Variants in FRMD5 observed in about 807,000 individuals in gnomAD.
The protein encoded by FRMD5 is FERM domain containing 5.
A neutral mutation model predicts 69.0 loss-of-function variants in FRMD5; 20 were observed. The ratio of observed to expected loss-of-function variants is 0.29; its 90% CI spans 0.20 to 0.42. FRMD5 has a LOEUF of 0.42. FRMD5 is among the 10% of genes least tolerant of loss of function. The pLI, the probability that FRMD5 is intolerant of heterozygous loss-of-function variation, is 1.00. For synonymous variants in FRMD5, 271 were observed against 260.1 expected, an observed-to-expected ratio of 1.04 and a Z score of -0.40; for missense variants, 595 against 708.6, an observed-to-expected ratio of 0.84 and a Z score of 1.82.
intron 1 of FRMD5, among the ~76,000 whole-genome samples, chr15:44,151,172 C>T (rs999366742): frequency 5.3e-5 from 8 of 151,786 alleles, no homozygotes; most frequent in East Asian, 1.9e-4. Context: ...CCAAGGCGGA[C>T]GGATCACGAG....
intron 1 of FRMD5, among the ~76,000 whole-genome samples, chr15:43,925,956 GT>G (rs1192312313): frequency 2.6e-5 from 4 of 152,070 alleles, no homozygotes; most frequent in Non-Finnish European, 5.9e-5. Context: ...TAATTATCTT[GT>G]TGATTTGTTT....
chr15:43,976,493 T>A (rs923436171), intron 1 of FRMD5, among the ~76,000 whole-genome samples: 8 of 152,156 alleles, frequency 5.3e-5, no homozygotes, highest in Admixed American at 4.6e-4. Flanking sequence ...ACAGACACTT[T>A]AACAAAGATA....
chr15:43,978,365 A>G (rs1232415887), intron 1 of FRMD5, among the ~76,000 whole-genome samples: 5 of 152,240 alleles, frequency 3.3e-5, no homozygotes, highest in African/African-American at 4.8e-5. Flanking sequence ...TGCAGGTACT[A>G]GAACTCTCAT....
intron 1 of FRMD5, among the ~76,000 whole-genome samples, chr15:44,191,547 T>C (rs142636723): frequency 0.026 from 3,958 of 151,882 alleles, 169 homozygotes; most frequent in African/African-American, 0.09. Flanking sequence ...GATTGCGCCA[T>C]TGCACTTCAG....
intron 1 of FRMD5, among the ~76,000 whole-genome samples, chr15:44,067,424 C>G (rs1161113671): frequency 6.6e-6 from 1 of 152,188 alleles, no homozygotes; most frequent in Non-Finnish European, 1.5e-5. Context: ...CTGACTTAAT[C>G]AGTGTTAGGC....
chr15:43,883,030 C>T (rs1301284121), intron 13 of FRMD5, among the ~76,000 whole-genome samples: 1 of 151,974 alleles, frequency 6.6e-6, no homozygotes, highest in Non-Finnish European at 1.5e-5. Context: ...TGCTCTCAAA[C>T]TCCTGAGACC....
At chr15:44,003,448 G>A (rs1178885768) in intron 1 of FRMD5, among the ~76,000 whole-genome samples, 2 of 152,114 alleles carry the variant, frequency 1.3e-5, no homozygotes, top group Non-Finnish European at 2.9e-5. Flanking sequence ...AAAACCCTGC[G>A]ATGGTTCCCT....
intron 1 of FRMD5, among the ~76,000 whole-genome samples, chr15:44,000,163 T>G (rs1343803481): frequency 6.6e-6 from 1 of 151,550 alleles, no homozygotes; most frequent in African/African-American, 2.4e-5. Flanking sequence ...TATTTTTTAT[T>G]TTTTTGTAGA....
intron 1 of FRMD5, among the ~76,000 whole-genome samples, chr15:44,011,572 G>C (rs1325608438): frequency 6.6e-6 from 1 of 152,142 alleles, no homozygotes; most frequent in Admixed American, 6.6e-5. Context: ...CTGAGGAGAG[G>C]TCTGGATTGC....
At chr15:43,917,418 T>A (rs147787580) in intron 4 of FRMD5, among the ~76,000 whole-genome samples, 143 of 152,110 alleles carry the variant, frequency 9.4e-4, no homozygotes, top group African/African-American at 3.4e-3. Context: ...TGAGACAGAG[T>A]CTCACTGTGT....
intron 1 of FRMD5, among the ~76,000 whole-genome samples, chr15:44,053,364 T>A (rs140056336): frequency 2.2e-4 from 34 of 152,210 alleles, no homozygotes; most frequent in African/African-American, 7.5e-4. Flanking sequence ...GAGGGTGGGA[T>A]GGGTAGTGAC....
intron 1 of FRMD5, among the ~76,000 whole-genome samples, chr15:44,055,619 G>A (rs1892840345): frequency 6.6e-6 from 1 of 152,024 alleles, no homozygotes; most frequent in African/African-American, 2.4e-5. Context: ...CTATGAAAAA[G>A]CCACCAAATA....
At chr15:44,184,928 TAAA>T (rs1257440494) in intron 1 of FRMD5, among the ~76,000 whole-genome samples, 2 of 152,176 alleles carry the variant, frequency 1.3e-5, no homozygotes, top group African/African-American at 4.8e-5. Flanking sequence ...TCTGTCTCTT[TAAA>T]AATAATCAGA....
chr15:44,083,762 C>G (rs1286990179), intron 1 of FRMD5, among the ~76,000 whole-genome samples: 1 of 151,946 alleles, frequency 6.6e-6, no homozygotes, highest in East Asian at 1.9e-4. Context: ...ATGATAAAAG[C>G]AAACAGAGAA....
rs924633989 is a variant in FRMD5 at position 44,051,980 on chromosome 15, CT to C, written c.103-127672del. Among the ~76,000 whole-genome samples the C allele has an allele frequency of 5.3e-3, 779 of 146,994 alleles. 8 individuals are homozygous for C. Among genetic ancestry groups the C allele is most frequent in the African/African-American group, 0.017 (700 of 40,338 alleles). On this transcript the variant is annotated intron_variant, in intron 1 of 13. Coordinates refer to ENST00000417257, the MANE Select transcript of FRMD5 (RefSeq NM_032892.5). ...AGAATTTTCCACTGTAAAGTTAACT[CT>C]TTTTTTTTTTCCTCTTTATGTGCTC...
intron 1 of FRMD5, among the ~76,000 whole-genome samples, chr15:44,005,295 A>G (rs1455721083): frequency 6.6e-6 from 1 of 152,094 alleles, no homozygotes; most frequent in East Asian, 1.9e-4. Flanking sequence ...AGCCTGGCCA[A>G]CATGGTGAAA....
At chr15:44,175,122 G>A (rs908238170) in intron 1 of FRMD5, among the ~76,000 whole-genome samples, 4 of 151,878 alleles carry the variant, frequency 2.6e-5, no homozygotes, top group African/African-American at 9.7e-5. Context: ...GTTTAACAGA[G>A]GCACCTTTTT....
At position 44,158,257 on chromosome 15, in the gene FRMD5, T is replaced by G. The variant is rs531121070; in HGVS notation, c.102+36696A>C. ...GTGAGAACTTAGTAGCAGTTCTACT[T>G]TTAAGAATTGTTCCCATCTATTTTC... On this transcript the variant is annotated intron_variant, in intron 1 of 13. Transcript: ENST00000417257. Among the ~76,000 whole-genome samples, 7 of 152,232 alleles carry G rather than the reference T, an allele frequency of 4.6e-5. No individual in the cohort carries two copies. In the South Asian group the frequency reaches 1.5e-3, roughly 32 times the overall value.
chr15:43,932,521 C>A (rs1028292826), intron 1 of FRMD5, among the ~76,000 whole-genome samples: 1 of 152,130 alleles, frequency 6.6e-6, no homozygotes, highest in Non-Finnish European at 1.5e-5. Flanking sequence ...TCCTGACATG[C>A]TCCCTAGAAA....
Sources: allele counts gnomAD v4.1 joint callset (sites outside exome capture counted in the v4.1 genomes callset), GRCh38; gene constraint gnomAD v4.1.1; transcripts MANE v1.5; gene names NCBI Gene and HGNC (gene_info 2026-07-23, HGNC 2026-07-21).